NAA20: variants seen among roughly 807,000 people sequenced by gnomAD.
The protein encoded by NAA20 is N-alpha-acetyltransferase 20.
A neutral mutation model predicts 23.8 loss-of-function variants in NAA20; 24 were observed. The observed-to-expected ratio is 1.01, with a 90% CI of 0.73 to 1.42. The LOEUF is 1.42. NAA20 is among the 40% of genes most tolerant of loss of function. The probability of loss-of-function intolerance (pLI) is 0.00; values close to 1 mark genes in which losing one functional copy is unlikely to be tolerated. For synonymous variants in NAA20, 83 were observed against 77.7 expected (o/e 1.07, Z -0.36); for missense variants, 166 against 223.1 (o/e 0.74, Z 1.63).
At chr20:20,030,494 T>G (rs2043335387) in intron 4 of NAA20, among the ~76,000 whole-genome samples, 1 of 152,162 alleles carries the variant, frequency 6.6e-6, no homozygotes, top group Admixed American at 6.6e-5. Context: ...CTTTTGAAAT[T>G]AGGGACAAGT....
chr20:20,027,037 C>T, intron 4 of NAA20, 118 bp downstream of exon 4: 1 of 1,325,834 alleles, frequency 7.5e-7, no homozygotes, highest in Non-Finnish European at 1.1e-6. Flanking sequence ...CTTCCATCTC[C>T]AGTAGTCCTT....
rs758974855 is a variant in NAA20 at position 20,025,658 on chromosome 20, C to G, written c.79-19C>G. 9.6e-6 allele frequency: 15 copies of G among 1,570,586 alleles called. No homozygotes were observed. Among genetic ancestry groups the G allele is most frequent in the Admixed American group, 6.7e-5 (4 of 59,744 alleles). Reference sequence around the variant, plus strand: ...TTTTTACTGTCCATTACTTTTCACACTCCTTAACAGGACTCTAGTATGGGA... The same window carrying G: ...TTTTTACTGTCCATTACTTTTCACAGTCCTTAACAGGACTCTAGTATGGGA... On this transcript the variant is annotated intron_variant, in intron 2 of 5. Coordinates refer to ENST00000334982, the MANE Select transcript of NAA20 (RefSeq NM_016100.5).
At chr20:20,018,984 C>T (rs982672605) in intron 1 of NAA20, 7 of 962,288 alleles carry the variant, frequency 7.3e-6, no homozygotes, top group East Asian at 2.3e-4. Context: ...ATTCCGTTTG[C>T]GATCCACTGC....
chr20:20,017,580 C>A (rs968187473), intron 1 of NAA20, 131 bp downstream of exon 1: 4 of 1,346,064 alleles, frequency 3.0e-6, no homozygotes, highest in Non-Finnish European at 3.9e-6. Context: ...AACCACCCCC[C>A]GCCGGCCAAC....
intron 1 of NAA20, among the ~76,000 whole-genome samples, chr20:20,019,694 C>T (rs536534224): frequency 6.6e-6 from 1 of 152,302 alleles, no homozygotes; most frequent in East Asian, 1.9e-4. Context: ...AGGCAATCCT[C>T]CTGCCTCAGC....
Position 20,026,506 on chromosome 20 carries a change from C to T in NAA20, c.170-278C>T, listed in dbSNP as rs527937546. 4.3e-4 allele frequency among the ~76,000 whole-genome samples: 58 copies of T among 135,656 alleles called. No individual in the cohort carries two copies. In the South Asian group the frequency reaches 0.014, roughly 32 times the overall value. The allele number at this position is 135,656 out of a possible 152,430, so 89.0% of individuals were successfully genotyped here. ...ATGCAGATATTTGAAAAAATACATA[C>T]TCTGGTTTTTTTTTTTTCAAAATTA... On this transcript the variant is annotated intron_variant, in intron 3 of 5. Transcript: ENST00000334982.
At chr20:20,020,605 G>A (rs929839053) in intron 1 of NAA20, among the ~76,000 whole-genome samples, 6 of 152,222 alleles carry the variant, frequency 3.9e-5, no homozygotes, top group African/African-American at 1.4e-4. Context: ...GGGCCAGGAA[G>A]GCATCTGGGC....
At chr20:20,032,401 G>C in intron 4 of NAA20, 107 bp from the exon 5 acceptor site, 3 of 1,054,418 alleles carry the variant, frequency 2.8e-6, no homozygotes, top group Non-Finnish European at 4.0e-6. Flanking sequence ...ACCATTCTGA[G>C]TAGTAGTCAA....
At chr20:20,023,580 CAT>C (rs2043286568) in intron 2 of NAA20, among the ~76,000 whole-genome samples, 1 of 152,190 alleles carries the variant, frequency 6.6e-6, no homozygotes, top group Non-Finnish European at 1.5e-5. Flanking sequence ...GATAACCCCA[CAT>C]CTCTAGTGGC....
Position 20,022,490 on chromosome 20 carries a change from T to C in NAA20, c.78+10T>C. 1 of 1,557,950 alleles carries C rather than the reference T, an allele frequency of 6.4e-7. No homozygotes were observed. The highest frequency in any genetic ancestry group is 8.6e-7 in the Non-Finnish European group (1 of 1,156,496). On this transcript the variant is annotated intron_variant, in intron 2 of 5. Coordinates refer to ENST00000334982, the MANE Select transcript of NAA20 (RefSeq NM_016100.5). ...TCCACTTACAGAAACTGTATCCTTT[T>C]TTACAAAAAAAAAAAAGTTGAATGA...
At chr20:20,020,117 T>C (rs964189895) in intron 1 of NAA20, among the ~76,000 whole-genome samples, 1 of 152,184 alleles carries the variant, frequency 6.6e-6, no homozygotes, top group Non-Finnish European at 1.5e-5. Flanking sequence ...CTTTATAGAA[T>C]GTAGATTTTC....
chr20:20,030,172 G>A (rs2043333525), intron 4 of NAA20, among the ~76,000 whole-genome samples: 2 of 152,074 alleles, frequency 1.3e-5, no homozygotes, highest in Non-Finnish European at 2.9e-5. Flanking sequence ...AACAATACTT[G>A]GCAAAATATG....
chr20:20,029,574 G>C (rs550271036), intron 4 of NAA20, among the ~76,000 whole-genome samples: 1 of 147,994 alleles, frequency 6.8e-6, no homozygotes, highest in African/African-American at 2.5e-5. Flanking sequence ...CCAAGATCAC[G>C]CCATTGCACT....
chr20:20,022,128 C>T (rs1232862030), intron 1 of NAA20, among the ~76,000 whole-genome samples: 5 of 152,116 alleles, frequency 3.3e-5, no homozygotes, highest in Non-Finnish European at 5.9e-5. Context: ...TCTGTCTCTG[C>T]GAGATACATC....
chr20:20,029,446 G>A (rs1435472208), intron 4 of NAA20, among the ~76,000 whole-genome samples: 3 of 151,730 alleles, frequency 2.0e-5, no homozygotes, highest in South Asian at 2.1e-4. Context: ...GTGAAATCCC[G>A]TCTCGACTAA....
At chr20:20,022,659 A>C in intron 2 of NAA20, 179 bp downstream of exon 2, 1 of 535,084 alleles carries the variant, frequency 1.9e-6, no homozygotes, top group Non-Finnish European at 3.2e-6. Context: ...GTTGTCTTAG[A>C]TCTGCTGACA....
At chr20:20,025,474 T>C (rs2146464126) in intron 2 of NAA20, among the ~76,000 whole-genome samples, 1 of 152,346 alleles carries the variant, frequency 6.6e-6, no homozygotes, top group Non-Finnish European at 1.5e-5. Context: ...CATTCCACAC[T>C]TGAGGCTATA....
chr20:20,032,765 TA>T (rs1416618585), intron 5 of NAA20, 112 bp downstream of exon 5: 1 of 1,326,762 alleles, frequency 7.5e-7, no homozygotes, highest in Admixed American at 3.2e-5. Context: ...CTTTAAAATT[TA>T]AATTTCCCTC....
In NAA20 at chr20:20,033,170, C is replaced by G. The variant is rs766292997; in HGVS notation, c.520C>G (p.Pro174Ala). 2 of 1,612,546 alleles carry G rather than the reference C, an allele frequency of 1.2e-6. No individual in the cohort carries two copies. The highest frequency in any genetic ancestry group is 3.3e-5 in the Admixed American group (2 of 59,988). The change falls in exon 6 of 6, where the codon CCT becomes GCT. Residue 174 changes from proline to alanine, a missense_variant. Pro to Ala is a conservative substitution (Grantham distance 27). Transcript: ENST00000334982. ...SIIPLPHPVRPEDIE is the reference protein window; with the variant it reads ...SIIPLPHPVRAEDIE ...CATACCATTACCTCATCCTGTGAGG[C>G]CTGAAGACATTGAATAACCCTGGGC...
Sources: allele counts gnomAD v4.1 joint callset (sites outside exome capture counted in the v4.1 genomes callset), GRCh38; gene constraint gnomAD v4.1.1; transcripts MANE v1.5; gene names NCBI Gene and HGNC (gene_info 2026-07-23, HGNC 2026-07-21).